ACTL8: variants seen among roughly 807,000 people sequenced by gnomAD.
ACTL8 encodes the protein actin like 8, also known as actin-like protein 8.
In ACTL8, 3 loss-of-function variants were observed where a neutral mutation model predicts 9.3. The ratio of observed to expected loss-of-function variants is 0.32; its 90% confidence interval spans 0.15 to 0.83. The LOEUF is 0.83. Ranked by LOEUF, ACTL8 falls within the 40% of genes least tolerant of loss-of-function variation. The pLI, the probability that ACTL8 is intolerant of heterozygous loss-of-function variation, is 0.57. For synonymous variants in ACTL8, 224 were observed against 205.9 expected (o/e 1.09, Z -0.75); for missense variants, 381 against 492.2 (o/e 0.77, Z 2.14).
At chr1:17,758,346 A>G (rs2065980566) in intron 1 of ACTL8, among the ~76,000 whole-genome samples, 1 of 152,238 alleles carries the variant, frequency 6.6e-6, no homozygotes, top group African/African-American at 2.4e-5. Flanking sequence ...GTCTCTGGGA[A>G]TGAAATAAGT....
intron 1 of ACTL8, among the ~76,000 whole-genome samples, chr1:17,795,649 T>C (rs1448661332): frequency 6.6e-6 from 1 of 152,078 alleles, no homozygotes; most frequent in Non-Finnish European, 1.5e-5. Context: ...TTGGCTCCAA[T>C]CAGGGAGGCA....
chr1:17,816,409 G>C (rs1047007345), intron 1 of ACTL8, among the ~76,000 whole-genome samples: 2 of 152,064 alleles, frequency 1.3e-5, no homozygotes, highest in African/African-American at 4.8e-5. Flanking sequence ...TTACCATGTT[G>C]CCCAGGCTGG....
rs35618555 is a variant in ACTL8, at chr1:17,767,227, A to AG, written c.-25+11725dup. On this transcript the variant is annotated intron_variant, in intron 1 of 2. Transcript: ENST00000375406. The surrounding 1 kb of genome is among the most constrained non-coding windows in gnomAD (Gnocchi z 4.7). ...GTGGAGGCCTGCTCTGGAAACAGTGAGGAGGGCATCAGGAGGTGAGGTCAG... is the reference window on the plus strand; with the variant it reads ...GTGGAGGCCTGCTCTGGAAACAGTGAGGGAGGGCATCAGGAGGTGAGGTCAG... Among the ~76,000 whole-genome samples the AG allele has an allele frequency of 2.7e-3, 410 of 152,250 alleles. 8 individuals are homozygous for AG. In the East Asian group the frequency reaches 0.051, roughly 19 times the overall value.
At chr1:17,755,922 T>G (rs988829931) in intron 1 of ACTL8, among the ~76,000 whole-genome samples, 5 of 148,628 alleles carry the variant, frequency 3.4e-5, no homozygotes, top group African/African-American at 1.2e-4. Flanking sequence ...GGTCTCTTTT[T>G]GGGGCTCTAT....
At chr1:17,793,199 A>G (rs2066253788) in intron 1 of ACTL8, among the ~76,000 whole-genome samples, 1 of 152,176 alleles carries the variant, frequency 6.6e-6, no homozygotes, top group African/African-American at 2.4e-5. Context: ...TGCCAGATCT[A>G]GTGTCTCCAG....
intron 1 of ACTL8, among the ~76,000 whole-genome samples, chr1:17,780,853 T>C (rs1213260834): frequency 6.6e-6 from 1 of 152,086 alleles, no homozygotes; most frequent in Non-Finnish European, 1.5e-5. Context: ...GACATTCAGA[T>C]TTGGCAACTG....
intron 1 of ACTL8, among the ~76,000 whole-genome samples, chr1:17,785,113 C>T (rs2066186500): frequency 6.6e-6 from 1 of 152,206 alleles, no homozygotes. Context: ...CACTGGGTCC[C>T]TCCCACAACA....
intron 1 of ACTL8, among the ~76,000 whole-genome samples, chr1:17,810,868 A>G (rs1239292837): frequency 2.6e-5 from 4 of 152,340 alleles, no homozygotes; most frequent in Non-Finnish European, 5.9e-5. Context: ...ATTCCATTGT[A>G]TGGATGTACC....
chr1:17,759,072 G>A (rs11587686), intron 1 of ACTL8, among the ~76,000 whole-genome samples: 2,832 of 152,316 alleles, frequency 0.019, 95 homozygotes, highest in African/African-American at 0.063. Flanking sequence ...ATAGAAATAC[G>A]CAGTTGTGTT....
chr1:17,797,996 C>T (rs539148714), intron 1 of ACTL8, among the ~76,000 whole-genome samples: 3 of 152,186 alleles, frequency 2.0e-5, no homozygotes, highest in Non-Finnish European at 4.4e-5. Context: ...GGGCAGAGGA[C>T]GGAACTGAGT....
chr1:17,796,946 T>C (rs2066281889), intron 1 of ACTL8, among the ~76,000 whole-genome samples: 3 of 152,188 alleles, frequency 2.0e-5, no homozygotes. Flanking sequence ...GCAGCAGAAG[T>C]CTGCTCTCTG....
intron 1 of ACTL8, among the ~76,000 whole-genome samples, chr1:17,773,863 C>A (rs1220575904): frequency 6.6e-6 from 1 of 152,230 alleles, no homozygotes; most frequent in Non-Finnish European, 1.5e-5. Context: ...TCTGAGCTTC[C>A]GTCTTCTACT....
intron 1 of ACTL8, among the ~76,000 whole-genome samples, chr1:17,756,550 T>TAA (rs1433352956): frequency 6.6e-6 from 1 of 152,214 alleles, no homozygotes; most frequent in Non-Finnish European, 1.5e-5. Flanking sequence ...AGTTCTCTAT[T>TAA]ATAAGTTAAT....
intron 1 of ACTL8, among the ~76,000 whole-genome samples, chr1:17,816,200 C>CTTTTTTTTTTTTTTTTTT (rs34383884): frequency 7.2e-6 from 1 of 139,620 alleles, no homozygotes; most frequent in African/African-American, 2.7e-5. Flanking sequence ...ATATTAATAG[C>CTTTTTTTTTTTTTTTTTT]TTTTTTTTTT....
intron 1 of ACTL8, among the ~76,000 whole-genome samples, chr1:17,782,977 A>G (rs2066167122): frequency 6.6e-6 from 1 of 152,182 alleles, no homozygotes; most frequent in African/African-American, 2.4e-5. Flanking sequence ...ATGGCTCACC[A>G]TGTGTTTGCC....
At position 17,826,670 on chromosome 1, in the gene ACTL8, A is replaced by G. The variant is rs2053726054; in HGVS notation, c.*151A>G. The G allele has an allele frequency of 6.4e-6, 5 of 776,542 alleles. No individual in the cohort carries two copies. The highest frequency in any genetic ancestry group is 1.7e-5 in the African/African-American group (1 of 57,746). 48.1% of individuals were successfully genotyped at this position (776,542 alleles called of 1,614,324 possible). A position where few individuals can be genotyped will look rare whatever the true frequency, so the allele number is the denominator to read the frequency against. On this transcript the variant is annotated 3_prime_UTR_variant, in exon 3 of 3. Transcript: ENST00000375406. This position sits in a 1 kb window ranked among gnomAD's most constrained non-coding sequence, Gnocchi z 4.5. ...GGCATGAGGGTATTTTTTAGGTTCT[A>G]AGGTTTTATCTTGTTGCAAGAGTGG...
At chr1:17,768,903 C>T (rs916090286) in intron 1 of ACTL8, among the ~76,000 whole-genome samples, 6 of 152,048 alleles carry the variant, frequency 3.9e-5, no homozygotes, top group East Asian at 1.9e-4. Flanking sequence ...GGAAGCAGAG[C>T]GGGAGGAGTG....
intron 1 of ACTL8, among the ~76,000 whole-genome samples, chr1:17,805,636 C>A (rs1421366920): frequency 6.6e-6 from 1 of 152,052 alleles, no homozygotes; most frequent in Admixed American, 6.5e-5. Context: ...CCTCAGCCTC[C>A]CAAAGTGCTG....
intron 1 of ACTL8, among the ~76,000 whole-genome samples, chr1:17,757,515 C>T (rs2065976137): frequency 9.3e-6 from 1 of 107,240 alleles, no homozygotes; most frequent in Admixed American, 1.5e-4. Context: ...AGTGGAAATA[C>T]CTTTCCCTCC....
Sources: allele counts gnomAD v4.1 joint callset (sites outside exome capture counted in the v4.1 genomes callset), GRCh38; gene constraint gnomAD v4.1.1; non-coding constraint Gnocchi (gnomAD v3.1); transcripts MANE v1.5; gene names NCBI Gene and HGNC (gene_info 2026-07-23, HGNC 2026-07-21).